Variants in CHD2 observed in about 807,000 individuals in gnomAD.
The protein encoded by CHD2 is chromodomain helicase DNA binding protein 2, also known as ATP-dependent chromatin remodeler CHD2.
CHD2 carries 28 observed loss-of-function variants against 243.9 expected under a neutral mutation model. That is an observed-to-expected ratio of 0.11 (90% CI 0.09 to 0.16). The LOEUF (loss-of-function observed/expected upper bound fraction) is 0.16. Ranked by LOEUF, CHD2 falls within the 10% of genes least tolerant of loss-of-function variation. The pLI, the probability that CHD2 is intolerant of heterozygous loss-of-function variation, is 1.00. For synonymous variants in CHD2, 775 were observed against 779.0 expected (o/e 0.99, Z 0.09); for missense variants, 1,386 against 2,209.8 (o/e 0.63, Z 7.47).
intron 26 of CHD2, among the ~76,000 whole-genome samples, chr15:92,989,972 A>G (rs1277327842): frequency 6.6e-6 from 1 of 152,050 alleles, no homozygotes; most frequent in Non-Finnish European, 1.5e-5. Flanking sequence ...CTTTCCTCCC[A>G]GTTTTTCTTT....
At chr15:92,948,561 C>G (rs1040727241) in intron 12 of CHD2, among the ~76,000 whole-genome samples, 2 of 152,076 alleles carry the variant, frequency 1.3e-5, no homozygotes, top group Non-Finnish European at 2.9e-5. Flanking sequence ...TGGCCAGGCG[C>G]GGTGGCTCAC....
intron 37 of CHD2, among the ~76,000 whole-genome samples, chr15:93,015,316 T>TG (rs1365302835): frequency 6.6e-6 from 1 of 152,216 alleles, no homozygotes; most frequent in Non-Finnish European, 1.5e-5. Flanking sequence ...CGGCGCCATG[T>TG]GATCTGCCCA....
intron 28 of CHD2, among the ~76,000 whole-genome samples, chr15:92,996,567 A>G (rs1325033603): frequency 6.6e-6 from 1 of 152,176 alleles, no homozygotes; most frequent in Non-Finnish European, 1.5e-5. Flanking sequence ...GATCAAGTTC[A>G]TTTTTAAAAC....
intron 13 of CHD2, chr15:92,950,394 A>C (rs966732592): frequency 6.6e-6 from 1 of 152,228 alleles, no homozygotes; most frequent in Admixed American, 6.5e-5. Flanking sequence ...CAGTGAACCT[A>C]TATAGATGTA....
intron 12 of CHD2, among the ~76,000 whole-genome samples, chr15:92,947,731 T>G (rs1244711471): frequency 6.6e-6 from 1 of 152,092 alleles, no homozygotes; most frequent in Non-Finnish European, 1.5e-5. Context: ...AGAACAGTTA[T>G]GGGGTAGGTT....
At chr15:92,990,647 G>A (rs2054105854) in intron 26 of CHD2, among the ~76,000 whole-genome samples, 1 of 152,064 alleles carries the variant, frequency 6.6e-6, no homozygotes, top group African/African-American at 2.4e-5. Context: ...GTTGTTTTTA[G>A]CTATTGTCAT....
At chr15:92,929,908 A>G (rs1366745451) in intron 5 of CHD2, among the ~76,000 whole-genome samples, 1 of 152,016 alleles carries the variant, frequency 6.6e-6, no homozygotes, top group African/African-American at 2.4e-5. Context: ...TTTAAAACCC[A>G]TTTCCTCATC....
intron 26 of CHD2, among the ~76,000 whole-genome samples, chr15:92,990,575 T>C (rs2054104337): frequency 6.6e-6 from 1 of 152,232 alleles, no homozygotes; most frequent in African/African-American, 2.4e-5. Context: ...TAAGGAGTAA[T>C]CCTCAGGTTT....
At chr15:92,967,566 C>G in intron 17 of CHD2, 53 bp downstream of exon 17, 1 of 1,287,792 alleles carries the variant, frequency 7.8e-7, no homozygotes, top group South Asian at 1.3e-5. Context: ...TACCATGAAA[C>G]TATTAGATAG....
rs2272455 is a variant in CHD2, at chr15:93,002,369, A to G, written c.4278+52A>G. The G allele has an allele frequency of 3.6e-3, 5,702 of 1,563,342 alleles. 311 individuals carry two copies. In the Admixed American group the frequency reaches 0.1, roughly 28 times the overall value. ...ATATCCACAGCCTTTGCAATTCGCC[A>G]TTTGGATTTAGAAGTAGAATGAGAT... On this transcript the variant is annotated intron_variant, in intron 33 of 38. Coordinates refer to ENST00000394196, the MANE Select transcript of CHD2 (RefSeq NM_001271.4).
intron 28 of CHD2, among the ~76,000 whole-genome samples, chr15:92,993,772 C>A (rs2054152110): frequency 6.6e-6 from 1 of 152,082 alleles, no homozygotes; most frequent in African/African-American, 2.4e-5. Context: ...TAAGTGAGAC[C>A]TTGTCTCTAC....
chr15:92,946,288 C>T, intron 12 of CHD2, 72 bp downstream of exon 12: 1 of 1,183,856 alleles, frequency 8.4e-7, no homozygotes. Context: ...CACATATGTG[C>T]TGAGAAAATA....
intron 5 of CHD2, among the ~76,000 whole-genome samples, chr15:92,929,921 CA>C (rs768001982): frequency 4.5e-4 from 64 of 142,736 alleles, no homozygotes; most frequent in South Asian, 8.9e-4. Flanking sequence ...TCCTCATCTC[CA>C]AAAAAAAAAA....
At chr15:92,958,617 A>T (rs2053645767) in intron 16 of CHD2, among the ~76,000 whole-genome samples, 1 of 152,210 alleles carries the variant, frequency 6.6e-6, no homozygotes, top group Non-Finnish European at 1.5e-5. Flanking sequence ...TATTTCTTTT[A>T]AAAAAATTCT....
Position 92,974,965 on chromosome 15 carries a change from G to A in CHD2, c.2577+15G>A. 1 of 1,610,722 alleles carries A rather than the reference G, an allele frequency of 6.2e-7. No homozygotes were observed. The highest frequency in any genetic ancestry group is 8.5e-7 in the Non-Finnish European group (1 of 1,177,528). On this transcript the variant is annotated intron_variant, in intron 20 of 38. Transcript: ENST00000394196. ...ATGGGTCTGAGGTATACTATGCATG[G>A]CTTTGTTATTTGAGCAACTTGGGCT...
At chr15:92,993,035 G>T in intron 28 of CHD2, 37 bp downstream of exon 28, 1 of 1,609,728 alleles carries the variant, frequency 6.2e-7, no homozygotes, top group South Asian at 1.1e-5. Context: ...TTCGCAACCT[G>T]GCACTCTTGG....
intron 5 of CHD2, among the ~76,000 whole-genome samples, chr15:92,935,603 C>T (rs1312158590): frequency 2.0e-5 from 3 of 152,208 alleles, no homozygotes; most frequent in Non-Finnish European, 4.4e-5. Context: ...CTACTTCTCT[C>T]CAGTTTGACT....
At chr15:93,000,693 T>C in intron 32 of CHD2, 53 bp downstream of exon 32, 2 of 1,541,620 alleles carry the variant, frequency 1.3e-6, no homozygotes, top group Non-Finnish European at 1.8e-6. Context: ...GCTATACTTA[T>C]CATGCCAGCT....
intron 3 of CHD2, 37 bp downstream of exon 3, chr15:92,924,589 G>C: frequency 1.3e-6 from 2 of 1,568,458 alleles, no homozygotes; most frequent in Non-Finnish European, 8.8e-7. Flanking sequence ...TGTGCTGCTA[G>C]CCTAGGACAA....
Sources: allele counts gnomAD v4.1 joint callset (sites outside exome capture counted in the v4.1 genomes callset), GRCh38; gene constraint gnomAD v4.1.1; transcripts MANE v1.5; gene names NCBI Gene and HGNC (gene_info 2026-07-23, HGNC 2026-07-21).